Variants in SAMD10 observed in about 807,000 individuals in gnomAD.
The protein encoded by SAMD10 is sterile alpha motif domain-containing protein 10.
In SAMD10, 16 loss-of-function variants were observed where a neutral mutation model predicts 22.5. That is an observed-to-expected ratio of 0.71 (90% CI 0.48 to 1.08). The LOEUF (loss-of-function observed/expected upper bound fraction) is 1.08, where lower values mean the gene tolerates loss of function less well. Among genes scored for constraint, SAMD10 ranks in the 50% least tolerant of loss-of-function variants. The probability of loss-of-function intolerance (pLI) is 0.00; values close to 1 mark genes in which losing one functional copy is unlikely to be tolerated. For missense variants in SAMD10, 227 were observed against 281.3 expected (o/e 0.81, Z 1.38); for synonymous variants, 118 against 122.2 (o/e 0.97, Z 0.23).
chr20:63,976,531 G>A (rs936142856), intron 3 of SAMD10, among the ~76,000 whole-genome samples: 5 of 151,986 alleles, frequency 3.3e-5, no homozygotes, highest in Non-Finnish European at 7.4e-5. Flanking sequence ...GGGAGGCTGA[G>A]GCAGGCGGAT....
At chr20:63,975,876 T>A in intron 3 of SAMD10, 44 bp from the exon 4 acceptor site, 1 of 1,512,316 alleles carries the variant, frequency 6.6e-7, no homozygotes, top group Non-Finnish European at 8.8e-7. Context: ...AACAGAGGCA[T>A]CAAGAGCCAA....
chr20:63,978,248 A>C, intron 1 of SAMD10: 1 of 1,236,290 alleles, frequency 8.1e-7, no homozygotes, highest in African/African-American at 1.6e-5. Context: ...TGCTGACCTG[A>C]GTCTGGGGAG....
At chr20:63,978,271 A>C in intron 1 of SAMD10, 1 of 1,297,936 alleles carries the variant, frequency 7.7e-7, no homozygotes, top group Non-Finnish European at 1.0e-6. Flanking sequence ...AGGCGTCTTG[A>C]TCCAGGTCTG....
intron 3 of SAMD10, among the ~76,000 whole-genome samples, 185 bp downstream of exon 3, chr20:63,976,786 A>G (rs2059025663): frequency 6.6e-6 from 1 of 151,496 alleles, no homozygotes; most frequent in South Asian, 2.1e-4. Flanking sequence ...AAAAAAAAAA[A>G]AAAAAGAAAG....
In SAMD10 at chr20:63,977,131, G is replaced by A. The variant is rs1268486869; in HGVS notation, c.285C>T (p.Tyr95=). ...PGTDTPQGRL[Y]SDHYGLYHTS... ...TATGGTACAGGCCATAGTGGTCAGA[G>A]TACAGCCGGCCCTGCAGGGGAGGGG... The change falls in exon 3 of 5, where the codon TAC becomes TAT. Residue 95 remains tyrosine, a synonymous_variant. Coordinates refer to ENST00000369886, the MANE Select transcript of SAMD10 (RefSeq NM_080621.5). This position sits in a 1 kb window ranked among gnomAD's most constrained non-coding sequence, Gnocchi z 5.4. 1.9e-6 allele frequency: 3 copies of A among 1,613,294 alleles called. No individual in the cohort carries two copies. Among genetic ancestry groups the A allele is most frequent in the Non-Finnish European group, 2.5e-6 (3 of 1,179,572 alleles).
At chr20:63,979,755 G>A (rs2059051703), upstream of SAMD10, 4 of 921,524 alleles carry the variant, frequency 4.3e-6, no homozygotes, top group Non-Finnish European at 5.2e-6. The surrounding 1 kb of genome is among the most constrained non-coding windows in gnomAD (Gnocchi z 7.7). Flanking sequence ...CGGCTCCGCG[G>A]AGGAGAGTCC....
In SAMD10 at chr20:63,977,425, G is replaced by A. The variant is rs779916188; in HGVS notation, c.92-19C>T. ...GCAGTGGCTGTGTGTGGGGGTGCCT[G>A]GTCAGGGCAGTCAAGGGCAGAACCA... On this transcript the variant is annotated intron_variant, in intron 1 of 4. Transcript: ENST00000369886. The surrounding 1 kb of genome is among the most constrained non-coding windows in gnomAD (Gnocchi z 5.4). 1.2e-6 allele frequency: 2 copies of A among 1,611,148 alleles called. No homozygotes were observed. The highest frequency in any genetic ancestry group is 4.5e-5 in the East Asian group (2 of 44,854).
At chr20:63,978,787 G>A (rs2059041880) in intron 1 of SAMD10, among the ~76,000 whole-genome samples, 2 of 152,216 alleles carry the variant, frequency 1.3e-5, no homozygotes, top group African/African-American at 4.8e-5. Flanking sequence ...GCCTTCCAGC[G>A]GACAGGCGCC....
In SAMD10 at chr20:63,975,767, T is replaced by TCTGGGCCTC; in HGVS notation, c.502_510dup (p.Glu168_Gln170dup). On this transcript the variant is annotated inframe_insertion, in exon 4 of 5. Transcript: ENST00000369886. ...AGCACCTGCTGCAGCACCTCCTGCC[T>TCTGGGCCTC]CTGGGCCTCCTGGGCCAGCCCCATC... 1 of 1,604,756 alleles carries TCTGGGCCTC rather than the reference T, an allele frequency of 6.2e-7. No homozygotes were observed. Among genetic ancestry groups the TCTGGGCCTC allele is most frequent in the Non-Finnish European group, 8.5e-7 (1 of 1,179,350 alleles).
In SAMD10 at chr20:63,979,361, A is replaced by T. The variant is rs1441488225; in HGVS notation, c.91+16T>A. 38 of 1,448,494 alleles carry T rather than the reference A, an allele frequency of 2.6e-5. No individual in the cohort carries two copies. Among genetic ancestry groups the T allele is most frequent in the African/African-American group, 4.6e-5 (3 of 64,764 alleles). The allele number at this position is 1,448,494 out of a possible 1,614,324, so 89.7% of individuals were successfully genotyped here. ...CCGCCCGAGAAATCCCCGCTCCCCA[A>T]TCCAGCCCCGCTCACCGTCCACATC... On this transcript the variant is annotated intron_variant, in intron 1 of 4. Coordinates refer to ENST00000369886, the MANE Select transcript of SAMD10 (RefSeq NM_080621.5). The surrounding 1 kb of genome is among the most constrained non-coding windows in gnomAD (Gnocchi z 7.7).
intron 3 of SAMD10, among the ~76,000 whole-genome samples, chr20:63,976,503 C>T (rs1001499958): frequency 6.6e-6 from 1 of 151,812 alleles, no homozygotes; most frequent in African/African-American, 2.4e-5. Context: ...TGGCTCACAC[C>T]TGTAATCCCA....
chr20:63,978,872 C>G (rs989480480), intron 1 of SAMD10, among the ~76,000 whole-genome samples: 3 of 152,208 alleles, frequency 2.0e-5, no homozygotes, highest in Non-Finnish European at 2.9e-5. Context: ...GGAAACCCGT[C>G]GGACTCCTCA....
rs201753277 is a variant in SAMD10, at chr20:63,975,684, A to G, written c.586+8T>C. ...AGCCCCCAGGCCTCTCTGGCACCTC[A>G]CACTGACCTTGGCTGAGCAGCTGCA... On this transcript the variant is annotated splice_region_variant and intron_variant, in intron 4 of 4. Transcript: ENST00000369886. 8 of 1,597,378 alleles carry G rather than the reference A, an allele frequency of 5.0e-6. No individual in the cohort carries two copies. The East Asian group carries it at 1.6e-4, about 32-fold the overall frequency.
In SAMD10 at chr20:63,975,824, G is replaced by A. The variant is rs755537786; in HGVS notation, c.454C>T (p.Leu152=). ...FSQHAITGRA[L]LRLNAEKLQR... ...AGCTTCTCCGCATTCAGCCGCAGCAGTGCCCGGCCTGGGGAGAGGAAAGAG... is the reference window on the plus strand; with the variant it reads ...AGCTTCTCCGCATTCAGCCGCAGCAATGCCCGGCCTGGGGAGAGGAAAGAG... Residue 152 remains leucine (L), a synonymous_variant, in exon 4 of 5, where the codon CTG becomes TTG. Transcript: ENST00000369886. 6.3e-7 allele frequency: 1 copy of A among 1,598,962 alleles called. No homozygotes were observed. Among genetic ancestry groups the A allele is most frequent in the East Asian group, 2.2e-5 (1 of 44,514 alleles).
At chr20:63,979,833 T>A, upstream of SAMD10, 1 of 272,532 alleles carries the variant, frequency 3.7e-6, no homozygotes, top group Non-Finnish European at 5.6e-6. The surrounding 1 kb of genome is among the most constrained non-coding windows in gnomAD (Gnocchi z 7.7). Context: ...GAGGGGCATC[T>A]CACAGGGGTC....
chr20:63,977,258 C>T lies in SAMD10; in HGVS notation c.240G>A (p.Lys80=), dbSNP rs2059031071. The T allele has an allele frequency of 6.2e-7, 1 of 1,613,402 alleles. No homozygotes were observed. Among genetic ancestry groups the T allele is most frequent in the Admixed American group, 1.7e-5 (1 of 60,016 alleles). The stretch of plus-strand genomic sequence containing the variant: ...TGTCTGTGCCGGGCTGCTGCAGGAG[C>T]TTGATTGGCCTGCTGCTGGCCGCCC... The part of the protein sequence containing the change: ...SQRAASSRPI[K]LLQQPGTDTP... Residue 80 remains lysine (K), a synonymous_variant, in exon 2 of 5, where the codon AAG becomes AAA. Transcript: ENST00000369886. This position sits in a 1 kb window ranked among gnomAD's most constrained non-coding sequence, Gnocchi z 5.4.
upstream of SAMD10, chr20:63,979,770 G>T: frequency 1.2e-6 from 1 of 848,866 alleles, no homozygotes; most frequent in Non-Finnish European, 1.4e-6. This position sits in a 1 kb window ranked among gnomAD's most constrained non-coding sequence, Gnocchi z 7.7. Flanking sequence ...GAGTCCCCGT[G>T]AACCTGCCGG....
chr20:63,974,443 C>G lies in SAMD10; in HGVS notation c.*1067G>C, dbSNP rs1030228511. ...GGAGGCTCAAAGCACACAGAGGGGA[C>G]TAGGGGCTCAGCCTCATCTGTCCCT... On this transcript the variant is annotated 3_prime_UTR_variant, in exon 5 of 5. Coordinates refer to ENST00000369886, the MANE Select transcript of SAMD10 (RefSeq NM_080621.5). 2 of 152,804 alleles carry G rather than the reference C, an allele frequency of 1.3e-5. No homozygotes were observed. The highest frequency in any genetic ancestry group is 6.5e-5 in the Admixed American group (1 of 15,284). 9.5% of individuals were successfully genotyped at this position (152,804 alleles called of 1,614,324 possible). A position where few individuals can be genotyped will look rare whatever the true frequency, so the allele number is the denominator to read the frequency against.
Position 63,975,838 on chromosome 20 carries a change from G to A in SAMD10, c.446-6C>T. On this transcript the variant is annotated splice_polypyrimidine_tract_variant and splice_region_variant and intron_variant, in intron 3 of 4. Transcript: ENST00000369886. ...CAGCCGCAGCAGTGCCCGGCCTGGG[G>A]AGAGGAAAGAGGGGCTGAGCTGAGG... 6.3e-7 allele frequency: 1 copy of A among 1,589,400 alleles called. No individual in the cohort carries two copies. The highest frequency in any genetic ancestry group is 8.5e-7 in the Non-Finnish European group (1 of 1,173,314).
Sources: gnomAD v4.1 joint callset for allele counts (sites outside exome capture counted in the v4.1 genomes callset) on GRCh38, gnomAD v4.1.1 for gene constraint, Gnocchi (gnomAD v3.1) non-coding constraint, MANE v1.5 for transcripts, NCBI Gene and HGNC (gene_info 2026-07-23, HGNC 2026-07-21) for gene names.